The following TUSC3 variants were observed in gnomAD, a reference collection of about 807,000 sequenced individuals.
The protein encoded by TUSC3 is dolichyl-diphosphooligosaccharide--protein glycosyltransferase subunit TUSC3.
A neutral mutation model predicts 44.8 loss-of-function variants in TUSC3; 45 were observed. That is an observed-to-expected ratio of 1.00 (90% CI 0.79 to 1.29). The LOEUF (loss-of-function observed/expected upper bound fraction) is 1.29, where lower values mean the gene tolerates loss of function less well. Among genes scored for constraint, TUSC3 ranks in the 50% most tolerant of loss-of-function variants. The pLI is 0.00. For synonymous variants in TUSC3, 212 were observed against 152.9 expected, an observed-to-expected ratio of 1.39 and a Z score of -2.85; for missense variants, 519 against 437.9, an observed-to-expected ratio of 1.19 and a Z score of -1.65.
the TUSC3 span, among the ~76,000 whole-genome samples, chr8:15,773,788 A>G: frequency 3.3e-5 from 5 of 152,188 alleles, no homozygotes; most frequent in Admixed American, 2.0e-4. Flanking sequence ...AAACATACCC[A>G]TAACCTCTCT....
chr8:15,833,321 G>A, the TUSC3 span, among the ~76,000 whole-genome samples: 1 of 152,092 alleles, frequency 6.6e-6, no homozygotes, highest in South Asian at 2.1e-4. Flanking sequence ...AAGACCTAAA[G>A]ACAGAAATAC....
chr8:15,582,298 C>T (rs576733745), intron 1 of TUSC3, among the ~76,000 whole-genome samples: 8 of 152,254 alleles, frequency 5.3e-5, no homozygotes, highest in East Asian at 1.9e-4. Context: ...AGCTGTAGAC[C>T]GGAGCTGTTC....
the TUSC3 span, among the ~76,000 whole-genome samples, chr8:15,790,126 T>C: frequency 2.0e-5 from 3 of 151,110 alleles, no homozygotes; most frequent in South Asian, 4.2e-4. Context: ...GGTAGTAACG[T>C]CCTGGTTGTT....
At chr8:15,724,190 TC>T (rs1455663270) in intron 6 of TUSC3, among the ~76,000 whole-genome samples, 5 of 152,084 alleles carry the variant, frequency 3.3e-5, no homozygotes, top group Non-Finnish European at 7.4e-5. Context: ...CCCAAGGGGA[TC>T]CCTCACCAGA....
chr8:15,821,414 T>G, the TUSC3 span, among the ~76,000 whole-genome samples: 1 of 150,886 alleles, frequency 6.6e-6, no homozygotes, highest in South Asian at 2.1e-4. Context: ...TGCTGATGTG[T>G]AAATTTATGT....
At chr8:15,801,653 TAAG>T in the TUSC3 span, among the ~76,000 whole-genome samples, 2 of 151,986 alleles carry the variant, frequency 1.3e-5, no homozygotes, top group African/African-American at 2.4e-5. Context: ...CAGAGAAGCA[TAAG>T]GATGAAAGCA....
intron 2 of TUSC3, among the ~76,000 whole-genome samples, chr8:15,505,230 T>C (rs1454685908): frequency 6.6e-6 from 1 of 152,186 alleles, no homozygotes; most frequent in African/African-American, 2.4e-5. Context: ...GATCAAATAT[T>C]TTAGGAATGA....
At chr8:15,581,647 G>A (rs1317642052) in intron 1 of TUSC3, among the ~76,000 whole-genome samples, 57 of 149,688 alleles carry the variant, frequency 3.8e-4, no homozygotes, top group Admixed American at 4.7e-4. Context: ...AGGGGTCAGG[G>A]ACCCACTTGA....
the TUSC3 span, among the ~76,000 whole-genome samples, chr8:15,848,704 A>G: frequency 1.3e-5 from 2 of 152,208 alleles, no homozygotes; most frequent in Non-Finnish European, 2.9e-5. Context: ...CTGCTGTTAC[A>G]GCAACCCAAC....
intron 6 of TUSC3, among the ~76,000 whole-genome samples, chr8:15,711,463 C>CGT (rs36058270): frequency 0.28 from 41,145 of 144,654 alleles, 5,907 homozygotes; most frequent in Admixed American, 0.36. Flanking sequence ...CAAAAAGGTA[C>CGT]GTGTGTGTGT....
At chr8:15,612,062 T>A (rs1168266665) in intron 1 of TUSC3, among the ~76,000 whole-genome samples, 1 of 152,192 alleles carries the variant, frequency 6.6e-6, no homozygotes, top group African/African-American at 2.4e-5. Flanking sequence ...GTCATGATAT[T>A]GTTTCTGTGG....
At chr8:15,703,057 C>T (rs1809469572) in intron 6 of TUSC3, among the ~76,000 whole-genome samples, 1 of 152,126 alleles carries the variant, frequency 6.6e-6, no homozygotes, top group African/African-American at 2.4e-5. Context: ...AACTTAGACT[C>T]TGCTGTAGGG....
chr8:15,714,368 T>C (rs1321066627), intron 6 of TUSC3, among the ~76,000 whole-genome samples: 1 of 152,170 alleles, frequency 6.6e-6, no homozygotes, highest in African/African-American at 2.4e-5. Flanking sequence ...CATCAAAAGA[T>C]AGAGGATTGA....
upstream of TUSC3, among the ~76,000 whole-genome samples, chr8:15,538,249 A>G (rs1801555046): frequency 1.3e-5 from 2 of 152,218 alleles, no homozygotes. Flanking sequence ...AGTCTATTGA[A>G]GCTTGCTCTC....
intron 7 of TUSC3, among the ~76,000 whole-genome samples, chr8:15,736,326 C>T (rs1460909908): frequency 1.3e-5 from 2 of 152,108 alleles, no homozygotes; most frequent in Non-Finnish European, 2.9e-5. Context: ...GCTTGAGGCA[C>T]ATGGATCTTA....
the TUSC3 span, among the ~76,000 whole-genome samples, chr8:15,776,965 C>T: frequency 6.6e-6 from 1 of 152,016 alleles, no homozygotes; most frequent in Non-Finnish European, 1.5e-5. Flanking sequence ...CTGTGTGTTG[C>T]TATCTCTGCC....
At chr8:15,575,959 A>C (rs1355298792) in intron 1 of TUSC3, among the ~76,000 whole-genome samples, 5 of 127,908 alleles carry the variant, frequency 3.9e-5, no homozygotes, top group Non-Finnish European at 9.3e-5. Context: ...TCAATAATAT[A>C]TTGTGAATTG....
intron 2 of TUSC3, among the ~76,000 whole-genome samples, chr8:15,638,896 C>T (rs1364380746): frequency 6.6e-6 from 1 of 152,168 alleles, no homozygotes; most frequent in East Asian, 1.9e-4. Flanking sequence ...ATGTTCAGGG[C>T]TTCAGTGATG....
intron 5 of TUSC3, among the ~76,000 whole-genome samples, chr8:15,666,732 T>G (rs1250945230): frequency 6.6e-6 from 1 of 151,456 alleles, no homozygotes; most frequent in African/African-American, 2.4e-5. Flanking sequence ...CTGATAATAT[T>G]TTTTTCAATG....
Sources: gnomAD v4.1 joint callset for allele counts (sites outside exome capture counted in the v4.1 genomes callset) on GRCh38, gnomAD v4.1.1 for gene constraint, MANE v1.5 for transcripts, NCBI Gene and HGNC (gene_info 2026-07-23, HGNC 2026-07-21) for gene names.